Variants in MSI2 observed in about 807,000 individuals in gnomAD.
MSI2 encodes RNA-binding protein Musashi homolog 2.
MSI2 carries 17 observed loss-of-function variants against 45.6 expected under a neutral mutation model. That is an observed-to-expected ratio of 0.37 (90% CI 0.26 to 0.56). The LOEUF (loss-of-function observed/expected upper bound fraction) is 0.56, where lower values mean the gene tolerates loss of function less well. Among genes scored for constraint, MSI2 ranks in the 20% least tolerant of loss-of-function variants. The probability of loss-of-function intolerance (pLI) is 0.77; values close to 1 mark genes in which losing one functional copy is unlikely to be tolerated. For synonymous variants in MSI2, 156 were observed against 158.2 expected, an observed-to-expected ratio of 0.99 and a Z score of 0.11; for missense variants, 293 against 444.2, an observed-to-expected ratio of 0.66 and a Z score of 3.06.
chr17:57,431,913 C>T (rs1430550864), intron 6 of MSI2, among the ~76,000 whole-genome samples: 5 of 152,224 alleles, frequency 3.3e-5, no homozygotes, highest in African/African-American at 7.2e-5. Flanking sequence ...CAGACTCCAC[C>T]GGGCATTTGG....
intron 11 of MSI2, among the ~76,000 whole-genome samples, chr17:57,656,356 T>A (rs1168441047): frequency 6.6e-6 from 1 of 152,224 alleles, no homozygotes; most frequent in Non-Finnish European, 1.5e-5. Flanking sequence ...TCCTTGTTCT[T>A]GTCTTTCTCA....
intron 10 of MSI2, among the ~76,000 whole-genome samples, chr17:57,646,002 T>C (rs1910630949): frequency 6.6e-6 from 1 of 152,248 alleles, no homozygotes; most frequent in Non-Finnish European, 1.5e-5. Flanking sequence ...GGAGGCTACT[T>C]CTTGTAGGCA....
chr17:57,287,905 C>T (rs1474844474), intron 5 of MSI2, among the ~76,000 whole-genome samples: 2 of 152,170 alleles, frequency 1.3e-5, no homozygotes, highest in African/African-American at 4.8e-5. Flanking sequence ...AGATGAGCCC[C>T]TGGAGACAGC....
At chr17:57,541,218 C>T (rs943084552) in intron 7 of MSI2, among the ~76,000 whole-genome samples, 3 of 151,860 alleles carry the variant, frequency 2.0e-5, no homozygotes, top group Non-Finnish European at 4.4e-5. Context: ...AATTTAGTGG[C>T]CTGCAGGGCT....
chr17:57,593,614 A>G (rs1049067630), intron 7 of MSI2, among the ~76,000 whole-genome samples: 1 of 152,120 alleles, frequency 6.6e-6, no homozygotes, highest in Admixed American at 6.5e-5. Flanking sequence ...ATTAAATTAC[A>G]TTTGCAAAAG....
At chr17:57,338,242 C>CT (rs1483476280) in intron 5 of MSI2, among the ~76,000 whole-genome samples, 1 of 152,124 alleles carries the variant, frequency 6.6e-6, no homozygotes, top group Non-Finnish European at 1.5e-5. Context: ...GTGTGCGCCA[C>CT]TATGCCCAGC....
chr17:57,577,074 G>T (rs1247457025), intron 7 of MSI2, among the ~76,000 whole-genome samples: 2 of 152,192 alleles, frequency 1.3e-5, no homozygotes, highest in African/African-American at 2.4e-5. Flanking sequence ...AGTATTACGG[G>T]AAAAATTCCA....
At chr17:57,262,937 T>C (rs917666710) in intron 5 of MSI2, among the ~76,000 whole-genome samples, 3 of 152,276 alleles carry the variant, frequency 2.0e-5, no homozygotes, top group African/African-American at 7.2e-5. Flanking sequence ...GAAGGGCTTA[T>C]GGCTTACATG....
At chr17:57,484,033 G>A (rs570706892) in intron 6 of MSI2, among the ~76,000 whole-genome samples, 6 of 152,210 alleles carry the variant, frequency 3.9e-5, no homozygotes, top group Non-Finnish European at 8.8e-5. Flanking sequence ...TGGAGAAACG[G>A]AGGCACTTTC....
intron 5 of MSI2, among the ~76,000 whole-genome samples, chr17:57,339,226 G>C (rs1454678057): frequency 2.6e-5 from 4 of 152,248 alleles, no homozygotes; most frequent in Non-Finnish European, 5.9e-5. Flanking sequence ...ACTGAGCAGA[G>C]GGTGAGTGGT....
At chr17:57,604,115 C>A (rs546007174) in intron 8 of MSI2, among the ~76,000 whole-genome samples, 2 of 152,314 alleles carry the variant, frequency 1.3e-5, no homozygotes, top group East Asian at 1.9e-4. Context: ...CAGTGCTGAA[C>A]CCCCTTCCAC....
chr17:57,502,602 GATATATATATAT>G (rs57142800), intron 6 of MSI2, among the ~76,000 whole-genome samples: 671 of 54,426 alleles, frequency 0.012, 53 homozygotes, highest in Middle Eastern at 0.016. Context: ...ATGACTCTGA[GATATATATATAT>G]ATATATATAT....
chr17:57,318,212 G>A (rs995862876), intron 5 of MSI2, among the ~76,000 whole-genome samples: 7 of 152,000 alleles, frequency 4.6e-5, no homozygotes, highest in Non-Finnish European at 1.0e-4. Flanking sequence ...TGGGAAGGTG[G>A]GAAGGTGGGC....
chr17:57,366,152 C>A lies in MSI2; in HGVS notation c.313-35227C>A, dbSNP rs184366996. Among the ~76,000 whole-genome samples the A allele has an allele frequency of 2.0e-5, 3 of 152,234 alleles. No homozygotes were observed. The East Asian group carries it at 5.8e-4, about 29-fold the overall frequency. ...GTCTTGAGCTCCTGAGCTCAAGCAG[C>A]CCCACCCGTTTCGGCCTCCCAAAGT... On this transcript the variant is annotated intron_variant, in intron 5 of 13. Coordinates refer to ENST00000284073, the MANE Select transcript of MSI2 (RefSeq NM_138962.4).
chr17:57,258,573 A>T (rs1338567884), intron 4 of MSI2, among the ~76,000 whole-genome samples: 1 of 152,170 alleles, frequency 6.6e-6, no homozygotes, highest in Non-Finnish European at 1.5e-5. Context: ...TGCCAAGGTT[A>T]GGCTTGGGGA....
At chr17:57,285,699 C>T in intron 5 of MSI2, 1 of 546,016 alleles carries the variant, frequency 1.8e-6, no homozygotes, top group Non-Finnish European at 2.9e-6. Context: ...TGTTTAAAAA[C>T]AGTTACAGGA....
intron 7 of MSI2, among the ~76,000 whole-genome samples, chr17:57,551,838 G>A (rs2087313768): frequency 6.6e-6 from 1 of 152,166 alleles, no homozygotes; most frequent in African/African-American, 2.4e-5. Context: ...GGCAAGGATT[G>A]ACTAGAGGTG....
intron 7 of MSI2, chr17:57,532,330 G>C (rs749886351): frequency 2.0e-5 from 3 of 152,248 alleles, no homozygotes; most frequent in Non-Finnish European, 2.9e-5. Flanking sequence ...CAGCAGGGAA[G>C]AGCCGCCATC....
At chr17:57,645,926 C>A (rs1910622142) in intron 10 of MSI2, among the ~76,000 whole-genome samples, 1 of 152,194 alleles carries the variant, frequency 6.6e-6, no homozygotes, top group Non-Finnish European at 1.5e-5. Flanking sequence ...CTGGATGAAT[C>A]ATGCCCCTGG....
Sources: allele counts gnomAD v4.1 joint callset (sites outside exome capture counted in the v4.1 genomes callset), GRCh38; gene constraint gnomAD v4.1.1; transcripts MANE v1.5; gene names NCBI Gene and HGNC (gene_info 2026-07-23, HGNC 2026-07-21).